The following EME2 variants were observed in gnomAD, a reference collection of about 807,000 sequenced individuals.
The protein encoded by EME2 is essential meiotic structure-specific endonuclease subunit 2.
In EME2, 58 loss-of-function variants were observed where a neutral mutation model predicts 41.9. That is an observed-to-expected ratio of 1.38 (90% CI 1.12 to 1.72). The LOEUF (loss-of-function observed/expected upper bound fraction) is 1.72. Among genes scored for constraint, EME2 ranks in the 40% most tolerant of loss-of-function variants. The pLI is 0.00. For missense variants in EME2, 695 were observed against 541.9 expected, an observed-to-expected ratio of 1.28 and a Z score of -2.81; for synonymous variants, 334 against 239.3, an observed-to-expected ratio of 1.40 and a Z score of -3.65.
rs901864621 is a variant in EME2 at position 1,777,532 on chromosome 16, G to A, written c.*1294G>A. On this transcript the variant is annotated 3_prime_UTR_variant, in exon 8 of 8. Coordinates refer to ENST00000568449, the MANE Select transcript of EME2 (RefSeq NM_001257370.2). ...CTCAGACCTCACGCTACAGTCACCC[G>A]GGTGGGCAGCTGGCACAGCTGAGGC... 7.4e-5 allele frequency: 103 copies of A among 1,389,902 alleles called. No individual in the cohort carries two copies. Among genetic ancestry groups the A allele is most frequent in the Non-Finnish European group, 9.2e-5 (97 of 1,054,004 alleles). 86.1% of individuals were successfully genotyped at this position (1,389,902 alleles called of 1,614,324 possible). A position where few individuals can be genotyped will look rare whatever the true frequency, so the allele number is the denominator to read the frequency against.
rs778272342 is a variant in EME2 at position 1,775,912 on chromosome 16, C to A, written c.895C>A (p.Gln299Lys). 1 of 1,612,324 alleles carries A rather than the reference C, an allele frequency of 6.2e-7. No homozygotes were observed. The change falls in exon 7 of 8, where the codon CAG becomes AAG. Residue 299 changes from glutamine (Q) to lysine (K), a missense_variant. Physicochemically the swap from Gln to Lys is moderately conservative, Grantham distance 53. Coordinates refer to ENST00000568449, the MANE Select transcript of EME2 (RefSeq NM_001257370.2). The stretch of plus-strand genomic sequence containing the variant: ...GGCGGCCTGGCGGAGGCAGATCAGG[C>A]AGTTCAGTCGGGTCAGCCCAGCCGT... ...LQAAWRRQIR[Q>K]FSRVSPAVAD...
intron 3 of EME2, chr16:1,774,832 G>T (rs1365975693): frequency 3.2e-6 from 2 of 632,514 alleles, no homozygotes; most frequent in Non-Finnish European, 5.6e-6. Flanking sequence ...ATGTGCCCGA[G>T]CAGCCACTCC....
chr16:1,775,077 C>T lies in EME2; in HGVS notation c.514C>T (p.Pro172Ser), dbSNP rs1055597315. The change falls in exon 4 of 8, where the codon CCC becomes TCC. Residue 172 changes from proline (P) to serine (S), a missense_variant. Physicochemically the swap from Pro to Ser is moderately conservative, Grantham distance 74. Transcript: ENST00000568449. The part of the protein sequence containing the change: ...GPTHWVPWIS[P>S]ETTARPHLAV... ...AACCCACTGGGTGCCCTGGATCTCC[C>T]CCGAGACCACCGCCCGGCCCCACCT... 4.3e-6 allele frequency: 7 copies of T among 1,610,610 alleles called. No individual in the cohort carries two copies. The highest frequency in any genetic ancestry group is 2.7e-5 in the African/African-American group (2 of 74,938).
rs766331740 is a variant in EME2, at chr16:1,778,533, G to A, written c.*2295G>A. 34 of 1,609,624 alleles carry A rather than the reference G, an allele frequency of 2.1e-5. No homozygotes were observed. The highest frequency in any genetic ancestry group is 2.6e-5 in the Non-Finnish European group (31 of 1,177,792). ...GCTCTGCCCAGCACAGTCACAGAAG[G>A]ACTCGCCGGTCACGGGCACCGCACT... On this transcript the variant is annotated 3_prime_UTR_variant, in exon 8 of 8. Transcript: ENST00000568449.
intron 3 of EME2, chr16:1,774,838 A>G: frequency 1.6e-6 from 1 of 641,858 alleles, no homozygotes; most frequent in African/African-American, 1.8e-5. Flanking sequence ...CCGAGCAGCC[A>G]CTCCAGGGTC....
rs767363303 is a variant in EME2 at position 1,773,763 on chromosome 16, C to T, written c.306C>T (p.Cys102=). Residue 102 remains cysteine (C), a synonymous_variant, in exon 2 of 8, where the codon TGC becomes TGT. Transcript: ENST00000568449. ...VLMEALEALG[C]ECRIEPQRPA... ...TGGAGGCCCTGGAGGCCCTGGGCTG[C>T]GAGTGCCGCATCGAGCCCCAGCGCC... 2.6e-6 allele frequency: 4 copies of T among 1,550,804 alleles called. No homozygotes were observed. The highest frequency in any genetic ancestry group is 4.9e-5 in the East Asian group (2 of 41,126).
At position 1,776,375 on chromosome 16, in the gene EME2, G is replaced by A. The variant is rs1472244303; in HGVS notation, c.*137G>A. 3.8e-6 allele frequency: 3 copies of A among 780,860 alleles called. No individual in the cohort carries two copies. The highest frequency in any genetic ancestry group is 3.5e-5 in the African/African-American group (2 of 57,910). 48.4% of individuals were successfully genotyped at this position (780,860 alleles called of 1,614,324 possible). A position where few individuals can be genotyped will look rare whatever the true frequency, so the allele number is the denominator to read the frequency against. On this transcript the variant is annotated 3_prime_UTR_variant, in exon 8 of 8. Coordinates refer to ENST00000568449, the MANE Select transcript of EME2 (RefSeq NM_001257370.2). ...TGGCTGAGCAGGTCTGACCTCAGGGGAAGGGTGGGTGGTTGCAGGGGAAGT... is the reference window on the plus strand; with the variant it reads ...TGGCTGAGCAGGTCTGACCTCAGGGAAAGGGTGGGTGGTTGCAGGGGAAGT...
chr16:1,773,616 G>A, intron 1 of EME2, 89 bp from the exon 2 acceptor site: 3 of 1,539,318 alleles, frequency 1.9e-6, no homozygotes, highest in Non-Finnish European at 2.6e-6. Context: ...TGTGCCGAAT[G>A]GAGACTCCCC....
In EME2 at chr16:1,777,890, C is replaced by A. The variant is rs559627334; in HGVS notation, c.*1652C>A. 1.9e-6 allele frequency: 3 copies of A among 1,611,876 alleles called. No homozygotes were observed. Among genetic ancestry groups the A allele is most frequent in the South Asian group, 2.2e-5 (2 of 91,046 alleles). On this transcript the variant is annotated 3_prime_UTR_variant, in exon 8 of 8. Coordinates refer to ENST00000568449, the MANE Select transcript of EME2 (RefSeq NM_001257370.2). ...GAGGAGGCCTGGGGGCAGCCAGGGTCGCAGTGAGCCCGGGAGCTCCAGGCT... is the reference window on the plus strand; with the variant it reads ...GAGGAGGCCTGGGGGCAGCCAGGGTAGCAGTGAGCCCGGGAGCTCCAGGCT...
rs776835146 is a variant in EME2 at position 1,773,112 on chromosome 16, C to T, written c.-116C>T. The T allele has an allele frequency of 1.4e-6, 2 of 1,395,180 alleles. No homozygotes were observed. The highest frequency in any genetic ancestry group is 1.9e-6 in the Non-Finnish European group (2 of 1,080,042). The allele number at this position is 1,395,180 out of a possible 1,614,324, so 86.4% of individuals were successfully genotyped here. A position where few individuals can be genotyped will look rare whatever the true frequency, so the allele number is the denominator to read the frequency against. On this transcript the variant is annotated 5_prime_UTR_variant, in exon 1 of 8. Transcript: ENST00000568449. The stretch of plus-strand genomic sequence containing the variant: ...GATCAGCCGCGGACGCACCTTCTTC[C>T]GCGCCATGGCGGGTCCGCGTCCTCA...
chr16:1,773,842 G>C lies in EME2; in HGVS notation c.384+1G>C, dbSNP rs1305963940. ...GAGTCCCGACCCCTGCCCCCGCAGC[G>C]TGAGTGGTCGCGGGTTCCCGAGGGC... On this transcript the variant is annotated splice_donor_variant, in intron 2 of 7. Transcript: ENST00000568449. LOFTEE classifies it high-confidence loss of function. The C allele has an allele frequency of 4.5e-6, 7 of 1,540,282 alleles. No homozygotes were observed. The highest frequency in any genetic ancestry group is 2.0e-5 in the Admixed American group (1 of 49,864).
In EME2 at chr16:1,775,880, G is replaced by A. The variant is rs775696974; in HGVS notation, c.863G>A (p.Gly288Glu). ...GAGCCAGTGGCAAGAGACGGCGCAG[G>A]GCTGCAGGCGGCCTGGCGGAGGCAG... ...AGEPVARDGA[G>E]LQAAWRRQIR... Residue 288 changes from glycine to glutamate, a missense_variant, in exon 7 of 8, where the codon GGG becomes GAG. Physicochemically the swap from Gly to Glu is moderately conservative, Grantham distance 98. Transcript: ENST00000568449. The A allele has an allele frequency of 4.3e-6, 7 of 1,612,540 alleles. No homozygotes were observed. The South Asian group carries it at 5.5e-5, about 13-fold the overall frequency.
rs1353289324 is a variant in EME2, at chr16:1,772,920, A to C, written c.-308A>C. The C allele has an allele frequency of 6.9e-7, 1 of 1,449,044 alleles. No individual in the cohort carries two copies. The allele number at this position is 1,449,044 out of a possible 1,614,324, so 89.8% of individuals were successfully genotyped here. On this transcript the variant is annotated 5_prime_UTR_variant, in exon 1 of 8. Coordinates refer to ENST00000568449, the MANE Select transcript of EME2 (RefSeq NM_001257370.2). ...GCCGAAGAGCGGGAGGCGGCCGAGC[A>C]GCTGCAAGAGGCGGCTCTCGCGGCG...
In EME2 at chr16:1,777,854, C is replaced by T; in HGVS notation, c.*1616C>T. ...CCGCGATGAGAAGCTGGTCTTGTCG[C>T]CCTTGTGGTGGAGGAGGCCTGGGGG... On this transcript the variant is annotated 3_prime_UTR_variant, in exon 8 of 8. Transcript: ENST00000568449. The T allele has an allele frequency of 6.2e-7, 1 of 1,612,672 alleles. No homozygotes were observed. Among genetic ancestry groups the T allele is most frequent in the Non-Finnish European group, 8.5e-7 (1 of 1,179,824 alleles).
At position 1,773,148 on chromosome 16, in the gene EME2, C is replaced by G; in HGVS notation, c.-80C>G. 1 of 1,394,584 alleles carries G rather than the reference C, an allele frequency of 7.2e-7. No individual in the cohort carries two copies. 86.4% of individuals were successfully genotyped at this position (1,394,584 alleles called of 1,614,324 possible). On this transcript the variant is annotated 5_prime_UTR_variant, in exon 1 of 8. Coordinates refer to ENST00000568449, the MANE Select transcript of EME2 (RefSeq NM_001257370.2). ...GGGTCCGCGTCCTCAGCGGTCCGGCCGGAAGTCACCGGAAGAGGCCGGTGT... is the reference window on the plus strand; with the variant it reads ...GGGTCCGCGTCCTCAGCGGTCCGGCGGGAAGTCACCGGAAGAGGCCGGTGT...
rs1419866686 is a variant in EME2, at chr16:1,776,843, A to G, written c.*605A>G. On this transcript the variant is annotated 3_prime_UTR_variant, in exon 8 of 8. Transcript: ENST00000568449. ...GGGAACAGCAACGCGGGCTCCAGCC[A>G]GGCTCTCGTCCTCGCAGCCTCCCAC... is the stretch of plus-strand genomic sequence containing the variant. 1 of 538,260 alleles carries G rather than the reference A, an allele frequency of 1.9e-6. No homozygotes were observed. The highest frequency in any genetic ancestry group is 3.5e-5 in the Admixed American group (1 of 28,686). 33.3% of individuals were successfully genotyped at this position (538,260 alleles called of 1,614,324 possible). A position where few individuals can be genotyped will look rare whatever the true frequency, so the allele number is the denominator to read the frequency against.
Position 1,778,736 on chromosome 16 carries a change from G to C in EME2, c.*2498G>C. On this transcript the variant is annotated 3_prime_UTR_variant, in exon 8 of 8. Transcript: ENST00000568449. Reference sequence around the variant, plus strand: ...GAAAGGATGGGGGTCCAGGCCTCCAGGGACTTCACAGTACCCCGAGCGCAC... The same window carrying C: ...GAAAGGATGGGGGTCCAGGCCTCCACGGACTTCACAGTACCCCGAGCGCAC... 1.8e-6 allele frequency: 2 copies of C among 1,117,636 alleles called. No homozygotes were observed. Among genetic ancestry groups the C allele is most frequent in the South Asian group, 3.3e-5 (2 of 60,404 alleles). 69.2% of individuals were successfully genotyped at this position (1,117,636 alleles called of 1,614,324 possible). A position where few individuals can be genotyped will look rare whatever the true frequency, so the allele number is the denominator to read the frequency against.
At position 1,781,682 on chromosome 16, in the gene EME2, G is replaced by A. The variant is rs942575627; in HGVS notation, c.*5444G>A. 1.6e-5 allele frequency: 10 copies of A among 610,890 alleles called. No individual in the cohort carries two copies. Among genetic ancestry groups the A allele is most frequent in the Non-Finnish European group, 2.6e-5 (9 of 350,522 alleles). The allele number at this position is 610,890 out of a possible 1,614,324, so 37.8% of individuals were successfully genotyped here. ...GATCTGAGCAGCTCAATAAAACCCA[G>A]GTAGATCCTGTGAAACGCCACCCAG... On this transcript the variant is annotated 3_prime_UTR_variant, in exon 8 of 8. Coordinates refer to ENST00000568449, the MANE Select transcript of EME2 (RefSeq NM_001257370.2).
chr16:1,776,678 G>A lies in EME2; in HGVS notation c.*440G>A, dbSNP rs2042717590. 3.5e-6 allele frequency: 1 copy of A among 285,432 alleles called. No homozygotes were observed. The highest frequency in any genetic ancestry group is 6.6e-6 in the Non-Finnish European group (1 of 151,500). The allele number at this position is 285,432 out of a possible 1,614,324, so 17.7% of individuals were successfully genotyped here. ...AAGGCCCAGGCTGCTCGCAAGCCCGGCCTCTGCACGGATACGTTTCAGCTC... is the reference window on the plus strand; with the variant it reads ...AAGGCCCAGGCTGCTCGCAAGCCCGACCTCTGCACGGATACGTTTCAGCTC... On this transcript the variant is annotated 3_prime_UTR_variant, in exon 8 of 8. Transcript: ENST00000568449.
Sources: gnomAD v4.1 joint callset for allele counts on GRCh38, gnomAD v4.1.1 for gene constraint, MANE v1.5 for transcripts, NCBI Gene and HGNC (gene_info 2026-07-23, HGNC 2026-07-21) for gene names.